Variants in PLEKHA7 observed in about 807,000 individuals in gnomAD.
PLEKHA7 encodes pleckstrin homology domain-containing family A member 7.
In PLEKHA7, 104 loss-of-function variants were observed where a neutral mutation model predicts 170.0. The observed-to-expected ratio is 0.61, with a 90% CI of 0.52 to 0.72. The LOEUF is 0.72. Ranked by LOEUF, PLEKHA7 falls within the 30% of genes least tolerant of loss-of-function variation. The pLI is 0.00. For synonymous variants in PLEKHA7, 648 were observed against 660.8 expected, an observed-to-expected ratio of 0.98 and a Z score of 0.30; for missense variants, 1,615 against 1,671.7, an observed-to-expected ratio of 0.97 and a Z score of 0.59.
At chr11:16,845,869 T>C (rs1296855906) in intron 8 of PLEKHA7, among the ~76,000 whole-genome samples, 1 of 152,026 alleles carries the variant, frequency 6.6e-6, no homozygotes, top group Non-Finnish European at 1.5e-5. Context: ...TGGAGAGAAC[T>C]TGCAGGTAAT....
intron 3 of PLEKHA7, among the ~76,000 whole-genome samples, chr11:16,884,627 T>G (rs577845499): frequency 3.5e-5 from 5 of 143,800 alleles, no homozygotes; most frequent in Non-Finnish European, 7.7e-5. Flanking sequence ...AGAGTGAGAC[T>G]ATGTTTAAAA....
chr11:16,934,253 G>A (rs988020642), intron 3 of PLEKHA7, among the ~76,000 whole-genome samples: 2 of 152,160 alleles, frequency 1.3e-5, no homozygotes, highest in Non-Finnish European at 2.9e-5. Flanking sequence ...TAATGAAAGG[G>A]TTTCCAAAAT....
intron 3 of PLEKHA7, among the ~76,000 whole-genome samples, chr11:16,922,329 A>G (rs1859158589): frequency 6.6e-6 from 1 of 152,204 alleles, no homozygotes; most frequent in Non-Finnish European, 1.5e-5. Flanking sequence ...AATTCTCACA[A>G]TTGTCCTGAG....
chr11:16,790,195 CT>C (rs1258732731), intron 21 of PLEKHA7: 8 of 371,294 alleles, frequency 2.2e-5, no homozygotes, highest in African/African-American at 1.3e-4. Context: ...CTTTCACCCC[CT>C]GATCCATTCT....
In PLEKHA7 at chr11:16,789,765, G is replaced by C; in HGVS notation, c.3156+10C>G. 6.2e-7 allele frequency: 1 copy of C among 1,609,652 alleles called. No individual in the cohort carries two copies. Among genetic ancestry groups the C allele is most frequent in the Non-Finnish European group, 8.5e-7 (1 of 1,176,192 alleles). ...AGCAGGGAGGTCCTCGACAGCTCAA[G>C]GCCACTCACAGGGAAGGTCGCCTTG... On this transcript the variant is annotated intron_variant, in intron 22 of 26. Coordinates refer to ENST00000531066, the MANE Select transcript of PLEKHA7 (RefSeq NM_001329630.2). The surrounding 1 kb of genome is among the most constrained non-coding windows in gnomAD (Gnocchi z 4.6).
intron 3 of PLEKHA7, among the ~76,000 whole-genome samples, chr11:16,976,984 T>C (rs568015796): frequency 9.2e-5 from 14 of 152,202 alleles, no homozygotes; most frequent in Non-Finnish European, 2.1e-4. Flanking sequence ...CACAGCTATC[T>C]GTTTCTTCCT....
At chr11:16,977,994 C>G (rs1024967093) in intron 3 of PLEKHA7, among the ~76,000 whole-genome samples, 1 of 152,090 alleles carries the variant, frequency 6.6e-6, no homozygotes, top group Non-Finnish European at 1.5e-5. Flanking sequence ...CAACAAAAAC[C>G]CACTGACTGA....
intron 13 of PLEKHA7, among the ~76,000 whole-genome samples, chr11:16,806,143 T>C (rs1848968649): frequency 6.6e-6 from 1 of 152,172 alleles, no homozygotes; most frequent in Non-Finnish European, 1.5e-5. Flanking sequence ...GCTCAGTGAG[T>C]TCATGAATGT....
chr11:17,005,711 T>C (rs1864949694), intron 3 of PLEKHA7, among the ~76,000 whole-genome samples: 1 of 152,216 alleles, frequency 6.6e-6, no homozygotes, highest in East Asian at 1.9e-4. Flanking sequence ...CCATTTTTCT[T>C]AAAGACGTTT....
chr11:16,863,375 A>G (rs1565035042), intron 4 of PLEKHA7, among the ~76,000 whole-genome samples: 1 of 152,204 alleles, frequency 6.6e-6, no homozygotes, highest in African/African-American at 2.4e-5. Context: ...ACCCCAATGG[A>G]AACAACAAGC....
intron 3 of PLEKHA7, among the ~76,000 whole-genome samples, chr11:16,878,019 G>T (rs957882338): frequency 6.6e-6 from 1 of 152,160 alleles, no homozygotes; most frequent in African/African-American, 2.4e-5. Flanking sequence ...GGCAAGAATA[G>T]AATGAGCCTC....
intron 13 of PLEKHA7, 21 bp from the exon 14 acceptor site, chr11:16,803,316 A>G: frequency 6.2e-7 from 1 of 1,601,296 alleles, no homozygotes; most frequent in Non-Finnish European, 8.6e-7. Flanking sequence ...AACAATTTAA[A>G]AGAGATTTAA....
intron 26 of PLEKHA7, among the ~76,000 whole-genome samples, chr11:16,781,455 C>A (rs1158924580): frequency 6.6e-6 from 1 of 152,112 alleles, no homozygotes; most frequent in Non-Finnish European, 1.5e-5. Context: ...GGTGGGGGAG[C>A]CGCCCCTGCT....
intron 3 of PLEKHA7, among the ~76,000 whole-genome samples, chr11:16,893,043 TG>T (rs1443827543): frequency 2.0e-5 from 3 of 152,208 alleles, no homozygotes; most frequent in South Asian, 4.1e-4. Flanking sequence ...AGCTTTCTCT[TG>T]TAGCTCTTAT....
At chr11:16,935,145 G>A (rs751421023) in intron 3 of PLEKHA7, among the ~76,000 whole-genome samples, 18 of 152,180 alleles carry the variant, frequency 1.2e-4, no homozygotes, top group African/African-American at 3.4e-4. Flanking sequence ...AATAAATATC[G>A]AATGTGAGGC....
intron 3 of PLEKHA7, among the ~76,000 whole-genome samples, chr11:16,914,115 CAT>C (rs1304976011): frequency 6.6e-6 from 1 of 151,732 alleles, no homozygotes; most frequent in Non-Finnish European, 1.5e-5. Context: ...GGGAAATACA[CAT>C]GATATCGTAA....
At chr11:16,908,904 G>A (rs907485986) in intron 3 of PLEKHA7, among the ~76,000 whole-genome samples, 1 of 152,214 alleles carries the variant, frequency 6.6e-6, no homozygotes, top group Non-Finnish European at 1.5e-5. Context: ...GGCTGGAGAA[G>A]AGGAGCAGGC....
chr11:16,931,580 A>AAACAC (rs1859927240), intron 3 of PLEKHA7, among the ~76,000 whole-genome samples: 1 of 151,850 alleles, frequency 6.6e-6, no homozygotes, highest in Non-Finnish European at 1.5e-5. Context: ...CAAAACAAAC[A>AAACAC]AACACAACAC....
intron 3 of PLEKHA7, chr11:17,012,931 A>G (rs866486707): frequency 1.3e-5 from 2 of 152,264 alleles, no homozygotes; most frequent in African/African-American, 4.8e-5. Flanking sequence ...CCAGAAAAGG[A>G]GGTTCCGGGG....
Sources: gnomAD v4.1 joint callset for allele counts (sites outside exome capture counted in the v4.1 genomes callset) on GRCh38, gnomAD v4.1.1 for gene constraint, Gnocchi (gnomAD v3.1) non-coding constraint, MANE v1.5 for transcripts, NCBI Gene and HGNC (gene_info 2026-07-23, HGNC 2026-07-21) for gene names.